Variants in PKHD1L1 observed in about 807,000 individuals in gnomAD.
PKHD1L1 encodes fibrocystin-L.
PKHD1L1 carries 434 observed loss-of-function variants against 462.9 expected under a neutral mutation model. The observed-to-expected ratio is 0.94, with a 90% confidence interval of 0.87 to 1.02. PKHD1L1 has a LOEUF of 1.02. PKHD1L1 is among the 50% of genes least tolerant of loss of function. The pLI is 0.00. For missense variants in PKHD1L1, 5,202 were observed against 5,096.1 expected (o/e 1.02, Z -0.63); for synonymous variants, 1,781 against 1,750.0 (o/e 1.02, Z -0.44).
At chr8:109,440,895 G>A in intron 33 of PKHD1L1, 43 bp downstream of exon 33, 1 of 1,586,642 alleles carries the variant, frequency 6.3e-7, no homozygotes, top group South Asian at 1.2e-5. Context: ...ATTTTTCTCA[G>A]CTTAAAGGAT....
intron 11 of PKHD1L1, among the ~76,000 whole-genome samples, chr8:109,397,775 C>G (rs1389219898): frequency 1.3e-5 from 2 of 152,142 alleles, no homozygotes; most frequent in Non-Finnish European, 2.9e-5. Flanking sequence ...GCAAAAATAT[C>G]TCTCTCCATT....
chr8:109,521,765 A>G (rs1820561967), intron 73 of PKHD1L1, among the ~76,000 whole-genome samples: 1 of 152,214 alleles, frequency 6.6e-6, no homozygotes, highest in Non-Finnish European at 1.5e-5. Context: ...ATATTAATAC[A>G]TACACATAAT....
At chr8:109,442,773 A>G (rs898948765) in intron 35 of PKHD1L1, among the ~76,000 whole-genome samples, 173 bp from the exon 36 acceptor site, 12 of 152,232 alleles carry the variant, frequency 7.9e-5, no homozygotes, top group Non-Finnish European at 1.6e-4. Context: ...TACACAAGAT[A>G]GCTTTTAATA....
intron 10 of PKHD1L1, 90 bp from the exon 11 acceptor site, chr8:109,395,937 T>C: frequency 6.1e-6 from 5 of 815,500 alleles, no homozygotes; most frequent in Non-Finnish European, 8.1e-6. Flanking sequence ...TTAGGCACTA[T>C]GGCTAGGTAA....
rs1367468478 is a variant in PKHD1L1, at chr8:109,464,407, A to AT, written c.7581dup (p.Ile2528TyrfsTer6). 1.2e-6 allele frequency: 2 copies of AT among 1,613,508 alleles called. No individual in the cohort carries two copies. Among genetic ancestry groups the AT allele is most frequent in the African/African-American group, 1.3e-5 (1 of 74,988 alleles). On this transcript the variant is annotated frameshift_variant, in exon 49 of 78. Coordinates refer to ENST00000378402, the MANE Select transcript of PKHD1L1 (RefSeq NM_177531.6). LOFTEE classifies it high-confidence loss of function. ...TTATATATGATATTAAGGGAGGAGC[A>AT]TTTTTTATAGAAGATGGTATTGAAC...
chr8:109,464,248 G>A lies in PKHD1L1; in HGVS notation c.7416G>A (p.Gly2472=), dbSNP rs1389494012. ...ATGCTGGCCAGGCTTTCCGGTTGGG[G>A]CGATATCCAATACATTGGCACCTGC... ...VFHAGQAFRL[G]RYPIHWHLLG... The change falls in exon 49 of 78, where the codon GGG becomes GGA. Residue 2472 remains glycine, a synonymous_variant. Transcript: ENST00000378402. The A allele has an allele frequency of 6.2e-7, 1 of 1,607,536 alleles. No homozygotes were observed.
intron 16 of PKHD1L1, among the ~76,000 whole-genome samples, chr8:109,405,585 G>T (rs1461383985): frequency 1.3e-5 from 2 of 150,656 alleles, no homozygotes. Context: ...ACTAACTCAG[G>T]AACAGAAAAC....
intron 53 of PKHD1L1, among the ~76,000 whole-genome samples, chr8:109,479,157 G>A (rs894972313): frequency 6.6e-6 from 1 of 152,020 alleles, no homozygotes; most frequent in Admixed American, 6.6e-5. Context: ...TGCATTAAAA[G>A]GTATTTTCTA....
intron 77 of PKHD1L1, among the ~76,000 whole-genome samples, chr8:109,528,944 T>C (rs1820947877): frequency 6.6e-6 from 1 of 152,158 alleles, no homozygotes; most frequent in African/African-American, 2.4e-5. Context: ...CAGTTTGCAA[T>C]TCATTTGATG....
At chr8:109,444,015 C>A in intron 37 of PKHD1L1, 113 bp downstream of exon 37, 3 of 885,306 alleles carry the variant, frequency 3.4e-6, no homozygotes, top group Non-Finnish European at 5.1e-6. Context: ...TATCACATAC[C>A]ATACAATTCA....
rs1818796700 is a variant in PKHD1L1 at position 109,491,007 on chromosome 8, T to C, written c.10020T>C (p.Cys3340=). The part of the protein sequence containing the change: ...QEHGSSYIRG[C]AFHHGFSPAI... ...ATGGCTCATCTTATATTCGAGGCTG[T>C]GCTTTTCACCATGGCTTCTCTCCAG... is the stretch of plus-strand genomic sequence containing the variant. Residue 3340 remains cysteine (C), a synonymous_variant, in exon 61 of 78, where the codon TGT becomes TGC. Coordinates refer to ENST00000378402, the MANE Select transcript of PKHD1L1 (RefSeq NM_177531.6). 2 of 1,609,434 alleles carry C rather than the reference T, an allele frequency of 1.2e-6. No homozygotes were observed. Among genetic ancestry groups the C allele is most frequent in the Non-Finnish European group, 1.7e-6 (2 of 1,176,672 alleles).
chr8:109,427,368 A>G (rs1008665600), intron 25 of PKHD1L1, among the ~76,000 whole-genome samples: 1 of 152,108 alleles, frequency 6.6e-6, no homozygotes, highest in African/African-American at 2.4e-5. Flanking sequence ...TTGGTACTTT[A>G]CTCCATATCC....
At position 109,515,307 on chromosome 8, in the gene PKHD1L1, T is replaced by A; in HGVS notation, c.11689+2T>A. On this transcript the variant is annotated splice_donor_variant, in intron 72 of 77. Coordinates refer to ENST00000378402, the MANE Select transcript of PKHD1L1 (RefSeq NM_177531.6). LOFTEE classifies it high-confidence loss of function. ...AACTTAATAACCATCTGTACAAAGG[T>A]ATTGTCTCAGAAAAAATACAGTACA... is the stretch of plus-strand genomic sequence containing the variant. 6.4e-7 allele frequency: 1 copy of A among 1,554,322 alleles called. No homozygotes were observed. The highest frequency in any genetic ancestry group is 8.7e-7 in the Non-Finnish European group (1 of 1,150,822).
chr8:109,424,144 C>T (rs753843150), intron 23 of PKHD1L1, among the ~76,000 whole-genome samples: 1 of 152,154 alleles, frequency 6.6e-6, no homozygotes, highest in Non-Finnish European at 1.5e-5. Flanking sequence ...CCAATAACCA[C>T]TCTTTTGACA....
At chr8:109,434,072 G>A (rs187332553) in intron 28 of PKHD1L1, among the ~76,000 whole-genome samples, 1 of 152,120 alleles carries the variant, frequency 6.6e-6, no homozygotes, top group East Asian at 1.9e-4. Flanking sequence ...TGAGAACGAG[G>A]GGAACATCAC....
intron 46 of PKHD1L1, among the ~76,000 whole-genome samples, chr8:109,458,503 A>G (rs922250575): frequency 6.6e-6 from 1 of 152,194 alleles, no homozygotes; most frequent in African/African-American, 2.4e-5. Context: ...AAGAGCAGAC[A>G]AGTCAGTGGA....
At chr8:109,522,976 G>T in intron 75 of PKHD1L1, 86 bp downstream of exon 75, 1 of 1,359,408 alleles carries the variant, frequency 7.4e-7, no homozygotes. Flanking sequence ...ATCCTGGTGT[G>T]CTGGCAGCCT....
In PKHD1L1 at chr8:109,447,472, C is replaced by T. The variant is rs182725944; in HGVS notation, c.5777-671C>T. On this transcript the variant is annotated intron_variant, in intron 38 of 77. Transcript: ENST00000378402. Reference sequence around the variant, plus strand: ...GGTATGTGGATATTCATTTGAACAACCTATGAAAAGTTCCACGTTTAATGC... The same window carrying T: ...GGTATGTGGATATTCATTTGAACAATCTATGAAAAGTTCCACGTTTAATGC... 2.1e-3 allele frequency among the ~76,000 whole-genome samples: 327 copies of T among 152,200 alleles called. 5 individuals carry two copies. The South Asian group carries it at 0.033, about 15-fold the overall frequency.
chr8:109,408,053 CTT>C lies in PKHD1L1; in HGVS notation c.1820_1821del (p.Phe607Ter), dbSNP rs764661569. On this transcript the variant is annotated frameshift_variant, in exon 18 of 78. Coordinates refer to ENST00000378402, the MANE Select transcript of PKHD1L1 (RefSeq NM_177531.6). LOFTEE classifies it high-confidence loss of function. Reference protein sequence around the residue: ...MVTFISTRGDFDLLGYEVVEG... With the variant: ...MVTFISTRGDXDLLGYEVVEG... ...CTGTTTGTCACTTAATTTCAGGAGA[CTT>C]TGATCTGCTTGGTTATGAAGTAGTT... 1.9e-6 allele frequency: 3 copies of C among 1,593,534 alleles called. No individual in the cohort carries two copies. The East Asian group carries it at 6.8e-5, about 36-fold the overall frequency.
Sources: gnomAD v4.1 joint callset for allele counts (sites outside exome capture counted in the v4.1 genomes callset) on GRCh38, gnomAD v4.1.1 for gene constraint, MANE v1.5 for transcripts, NCBI Gene and HGNC (gene_info 2026-07-23, HGNC 2026-07-21) for gene names.